The following EPB41L4B variants were observed in gnomAD, a reference collection of about 807,000 sequenced individuals.
EPB41L4B encodes the protein band 4.1-like protein 4B.
In EPB41L4B, 30 loss-of-function variants were observed where a neutral mutation model predicts 112.5. The ratio of observed to expected loss-of-function variants is 0.27; its 90% CI spans 0.20 to 0.36. The LOEUF (loss-of-function observed/expected upper bound fraction) is 0.36. Ranked by LOEUF, EPB41L4B falls within the 10% of genes least tolerant of loss-of-function variation. EPB41L4B has a pLI of 1.00. For missense variants in EPB41L4B, 1,024 were observed against 1,133.3 expected, an observed-to-expected ratio of 0.90 and a Z score of 1.38; for synonymous variants, 408 against 439.7, an observed-to-expected ratio of 0.93 and a Z score of 0.90.
Position 109,173,411 on chromosome 9 carries a change from G to GTT in EPB41L4B, c.*1141_*1142dup, listed in dbSNP as rs200071485. The GTT allele has an allele frequency of 0.083, 12,403 of 149,450 alleles. 716 individuals are homozygous for GTT. The highest frequency in any genetic ancestry group is 0.16 in the African/African-American group (6,374 of 40,790). 9.3% of individuals were successfully genotyped at this position (149,450 alleles called of 1,614,324 possible). A position where few individuals can be genotyped will look rare whatever the true frequency, so the allele number is the denominator to read the frequency against. On this transcript the variant is annotated 3_prime_UTR_variant, in exon 26 of 26. Coordinates refer to ENST00000374566, the MANE Select transcript of EPB41L4B (RefSeq NM_019114.5). ...AGGGAATAATCCAAAAGAAGGAGCA[G>GTT]TTTTTTTTTTTTACAGACATTCATA...
intron 15 of EPB41L4B, among the ~76,000 whole-genome samples, chr9:109,235,474 C>A (rs928250126): frequency 2.7e-5 from 4 of 146,742 alleles, no homozygotes; most frequent in Admixed American, 6.9e-5. Context: ...TGGCTCACTG[C>A]AACCTCTGCC....
intron 2 of EPB41L4B, among the ~76,000 whole-genome samples, chr9:109,270,960 T>C (rs967714726): frequency 6.6e-6 from 1 of 152,210 alleles, no homozygotes; most frequent in Non-Finnish European, 1.5e-5. Flanking sequence ...GCCCGTTAAA[T>C]ATTTAGTACT....
At chr9:109,177,120 G>A (rs1831871457) in intron 24 of EPB41L4B, among the ~76,000 whole-genome samples, 2 of 152,204 alleles carry the variant, frequency 1.3e-5, no homozygotes, top group South Asian at 4.1e-4. Flanking sequence ...GAGGCTCAGA[G>A]AGGTTAAGTA....
chr9:109,276,615 T>C (rs1835840585), intron 2 of EPB41L4B, among the ~76,000 whole-genome samples: 1 of 152,222 alleles, frequency 6.6e-6, no homozygotes, highest in South Asian at 2.1e-4. Flanking sequence ...CTGAGCATCT[T>C]CAGGTGTCTG....
At chr9:109,293,306 ACATCCC>A (rs1270492391) in intron 1 of EPB41L4B, among the ~76,000 whole-genome samples, 1 of 152,148 alleles carries the variant, frequency 6.6e-6, no homozygotes, top group Non-Finnish European at 1.5e-5. Context: ...TCTTCTTAGG[ACATCCC>A]CACAGCATGA....
At chr9:109,198,789 A>G (rs1832728451) in intron 20 of EPB41L4B, among the ~76,000 whole-genome samples, 1 of 152,078 alleles carries the variant, frequency 6.6e-6, no homozygotes, top group Non-Finnish European at 1.5e-5. Flanking sequence ...GGGCACCTGT[A>G]ATCCCAACTA....
chr9:109,217,594 C>T (rs899527683), intron 15 of EPB41L4B, among the ~76,000 whole-genome samples: 1 of 152,150 alleles, frequency 6.6e-6, no homozygotes, highest in East Asian at 1.9e-4. Context: ...TTTCTTGAGA[C>T]AGGGTCTTGC....
intron 15 of EPB41L4B, chr9:109,239,707 G>T: frequency 3.9e-6 from 2 of 517,950 alleles, no homozygotes; most frequent in Non-Finnish European, 5.0e-6. Context: ...CTTGGTTGCA[G>T]ACAACTGAAA....
intron 8 of EPB41L4B, 27 bp downstream of exon 8, chr9:109,256,366 A>G: frequency 1.2e-6 from 2 of 1,608,802 alleles, no homozygotes; most frequent in Non-Finnish European, 1.7e-6. Flanking sequence ...AGCAAAACCA[A>G]ATTACTTAAA....
intron 15 of EPB41L4B, among the ~76,000 whole-genome samples, chr9:109,218,900 ACT>A (rs767971200): frequency 2.0e-5 from 3 of 151,758 alleles, no homozygotes; most frequent in African/African-American, 7.3e-5. Flanking sequence ...CCACTCTTTC[ACT>A]CTGTCTTCAA....
rs117494029 is a variant in EPB41L4B, at chr9:109,188,351, C to A, written c.2302-2746G>T. Among the ~76,000 whole-genome samples, 184 of 152,214 alleles carry A rather than the reference C, an allele frequency of 1.2e-3. No homozygotes were observed. In the East Asian group the frequency reaches 0.029, roughly 24 times the overall value. On this transcript the variant is annotated intron_variant, in intron 22 of 25. Transcript: ENST00000374566. ...CAGCAAGAACCAGCCCTGCCAACCC[C>A]CTCAGGTAGAGCTGAGGAGATGGCA...
At chr9:109,264,099 A>C (rs1474611915) in intron 5 of EPB41L4B, among the ~76,000 whole-genome samples, 1 of 152,114 alleles carries the variant, frequency 6.6e-6, no homozygotes, top group African/African-American at 2.4e-5. Context: ...CATAATACAC[A>C]CACCAACCAA....
intron 6 of EPB41L4B, 150 bp from the exon 7 acceptor site, chr9:109,258,447 A>T (rs1005434784): frequency 1.1e-5 from 8 of 756,446 alleles, no homozygotes; most frequent in Non-Finnish European, 1.7e-5. Context: ...CTTAACTCTC[A>T]CTTGGGTAGT....
intron 1 of EPB41L4B, among the ~76,000 whole-genome samples, chr9:109,310,609 C>T (rs1046136319): frequency 6.6e-6 from 1 of 152,308 alleles, no homozygotes; most frequent in East Asian, 1.9e-4. Context: ...CACACACCCC[C>T]AAACGAAGCC....
intron 11 of EPB41L4B, 50 bp downstream of exon 11, chr9:109,255,461 G>A (rs1456252036): frequency 3.8e-6 from 6 of 1,599,032 alleles, no homozygotes; most frequent in Non-Finnish European, 5.1e-6. Context: ...AGAAATCACA[G>A]TTGCCCTCCT....
intron 1 of EPB41L4B, among the ~76,000 whole-genome samples, chr9:109,313,666 G>A (rs1024868121): frequency 6.6e-6 from 1 of 152,206 alleles, no homozygotes; most frequent in South Asian, 2.1e-4. Flanking sequence ...TCCTACCAAG[G>A]GAGGGGCAGC....
chr9:109,229,464 C>T (rs916800917), intron 15 of EPB41L4B, among the ~76,000 whole-genome samples: 1 of 152,194 alleles, frequency 6.6e-6, no homozygotes, highest in African/African-American at 2.4e-5. Context: ...TCAGTGCACA[C>T]GTATCAAGTG....
intron 1 of EPB41L4B, among the ~76,000 whole-genome samples, chr9:109,284,610 G>A (rs1481463835): frequency 6.6e-6 from 1 of 152,152 alleles, no homozygotes; most frequent in East Asian, 1.9e-4. Flanking sequence ...GCGGGGTCTT[G>A]CTATGTTGCC....
chr9:109,302,677 C>G (rs558446114), intron 1 of EPB41L4B, among the ~76,000 whole-genome samples: 1 of 152,022 alleles, frequency 6.6e-6, no homozygotes, highest in Non-Finnish European at 1.5e-5. Context: ...CCCGAAGATC[C>G]AACGTTCTCC....
Sources: gnomAD v4.1 joint callset for allele counts (sites outside exome capture counted in the v4.1 genomes callset) on GRCh38, gnomAD v4.1.1 for gene constraint, MANE v1.5 for transcripts, NCBI Gene and HGNC (gene_info 2026-07-23, HGNC 2026-07-21) for gene names.